The following TRPV5 variants were observed in gnomAD, a reference collection of about 807,000 sequenced individuals.
TRPV5 encodes calcium transport protein 2.
TRPV5 carries 66 observed loss-of-function variants against 74.1 expected under a neutral mutation model. The observed-to-expected ratio is 0.89, with a 90% confidence interval of 0.73 to 1.09. The LOEUF (loss-of-function observed/expected upper bound fraction) is 1.09, where lower values mean the gene tolerates loss of function less well. Among genes scored for constraint, TRPV5 ranks in the 50% least tolerant of loss-of-function variants. The pLI, the probability that TRPV5 is intolerant of heterozygous loss-of-function variation, is 0.00. For synonymous variants in TRPV5, 399 were observed against 360.7 expected, an observed-to-expected ratio of 1.11 and a Z score of -1.20; for missense variants, 936 against 930.4, an observed-to-expected ratio of 1.01 and a Z score of -0.08.
intron 8 of TRPV5, 165 bp downstream of exon 8, chr7:142,925,364 C>T: frequency 4.5e-6 from 3 of 664,122 alleles, no homozygotes; most frequent in Admixed American, 5.1e-5. Flanking sequence ...TCATTAAACC[C>T]CATCTGTGGC....
intron 8 of TRPV5, among the ~76,000 whole-genome samples, chr7:142,920,290 C>A (rs1161792561): frequency 6.6e-6 from 1 of 152,214 alleles, no homozygotes; most frequent in Non-Finnish European, 1.5e-5. Context: ...CCCCTTTCTT[C>A]TGAAGAGTCT....
chr7:142,925,552 T>A lies in TRPV5; in HGVS notation c.1099A>T (p.Ile367Phe). The change falls in exon 8 of 15, where the codon ATC (isoleucine) becomes TTC (phenylalanine). Residue 367 changes from isoleucine to phenylalanine, a missense_variant. Coordinates refer to ENST00000265310, the MANE Select transcript of TRPV5 (RefSeq NM_019841.7). Reference sequence around the variant, plus strand: ...ACCTGTAGTAGTTTTTGCTGGAGGATGGTGATGTCTCGAGAATGAGTGCGG... The same window carrying A: ...ACCTGTAGTAGTTTTTGCTGGAGGAAGGTGATGTCTCGAGAATGAGTGCGG... Reference protein sequence around the residue: ...GNRTHSRDITILQQKLLQEAY... With the variant: ...GNRTHSRDITFLQQKLLQEAY... The A allele has an allele frequency of 6.2e-7, 1 of 1,614,190 alleles. No homozygotes were observed. The highest frequency in any genetic ancestry group is 8.5e-7 in the Non-Finnish European group (1 of 1,180,022).
rs568086241 is a variant in TRPV5, at chr7:142,928,784, A to C, written c.669T>G (p.Asp223Glu). 2.5e-6 allele frequency: 4 copies of C among 1,614,030 alleles called. No individual in the cohort carries two copies. In the African/African-American group the frequency reaches 4.0e-5, roughly 16 times the overall value. Residue 223 changes from aspartate (D) to glutamate (E), a missense_variant, in exon 6 of 15, where the codon GAT becomes GAG. Coordinates refer to ENST00000265310, the MANE Select transcript of TRPV5 (RefSeq NM_019841.7). ...GGGGCTGCAGGTGGTCCCCATGTCC[A>C]TCATAGGACAGCAGCAGGTTGTACA... is the stretch of plus-strand genomic sequence containing the variant. ...CQMYNLLLSY[D>E]GHGDHLQPLD...
At chr7:142,913,101 AAT>A (rs1185439754) in intron 12 of TRPV5, among the ~76,000 whole-genome samples, 1 of 152,210 alleles carries the variant, frequency 6.6e-6, no homozygotes, top group African/African-American at 2.4e-5. Flanking sequence ...TAGAAAACCA[AAT>A]ACTTAAAAGG....
At chr7:142,910,472 T>C (rs917778577) in intron 13 of TRPV5, among the ~76,000 whole-genome samples, 3 of 152,202 alleles carry the variant, frequency 2.0e-5, no homozygotes, top group Non-Finnish European at 2.9e-5. Context: ...ATTGCCCTAA[T>C]CATACTGGGG....
At chr7:142,928,628 G>A (rs1796028390) in intron 6 of TRPV5, 63 bp downstream of exon 6, 3 of 1,538,140 alleles carry the variant, frequency 2.0e-6, no homozygotes, top group South Asian at 1.2e-5. Flanking sequence ...ATTTCTCCCA[G>A]GGCCAGCAGG....
chr7:142,931,019 T>C (rs1796082760), intron 1 of TRPV5, among the ~76,000 whole-genome samples: 1 of 103,064 alleles, frequency 9.7e-6, no homozygotes, highest in South Asian at 2.5e-4. Flanking sequence ...CTCAGGCTAT[T>C]TTTTTTTTTT....
intron 1 of TRPV5, among the ~76,000 whole-genome samples, chr7:142,931,435 G>C (rs1796095173): frequency 6.6e-6 from 1 of 152,098 alleles, no homozygotes; most frequent in East Asian, 1.9e-4. Context: ...TGTTTATGTG[G>C]GTGTCTCAAG....
chr7:142,932,987 C>G (rs906179534), intron 1 of TRPV5, among the ~76,000 whole-genome samples: 15 of 152,202 alleles, frequency 9.9e-5, no homozygotes, highest in Non-Finnish European at 1.9e-4. Flanking sequence ...GGAGTGCATC[C>G]CTTCTTCAGC....
intron 8 of TRPV5, among the ~76,000 whole-genome samples, chr7:142,922,392 A>G (rs982825665): frequency 6.6e-6 from 1 of 152,186 alleles, no homozygotes. Context: ...CGGGAATCTA[A>G]ATGACCAGAG....
intron 8 of TRPV5, among the ~76,000 whole-genome samples, chr7:142,923,478 T>C (rs998227085): frequency 1.1e-4 from 17 of 152,088 alleles, no homozygotes; most frequent in Non-Finnish European, 2.4e-4. Context: ...GCTCAAAGCA[T>C]AGGGACTTTT....
chr7:142,913,811 G>A (rs1319267097), intron 12 of TRPV5, among the ~76,000 whole-genome samples: 1 of 152,190 alleles, frequency 6.6e-6, no homozygotes, highest in African/African-American at 2.4e-5. Flanking sequence ...TCCTTCTAGT[G>A]CCTCTTCTTG....
Position 142,929,467 on chromosome 7 carries a change from T to C in TRPV5, c.448A>G (p.Thr150Ala). ...TTGCGGGGACTATGGCGGAAGGCAGTGCCTGTGGCTCTGGCAGAGACACTG... is the reference window on the plus strand; with the variant it reads ...TTGCGGGGACTATGGCGGAAGGCAGCGCCTGTGGCTCTGGCAGAGACACTG... ...RASVSARATG[T>A]AFRHSPRNLI... The change falls in exon 4 of 15, where the codon ACT becomes GCT. Residue 150 changes from threonine (T) to alanine (A), a missense_variant. Physicochemically the swap from Thr to Ala is moderately conservative, Grantham distance 58. Transcript: ENST00000265310. 2 of 1,614,110 alleles carry C rather than the reference T, an allele frequency of 1.2e-6. No individual in the cohort carries two copies. The highest frequency in any genetic ancestry group is 1.7e-6 in the Non-Finnish European group (2 of 1,179,998).
intron 1 of TRPV5, among the ~76,000 whole-genome samples, chr7:142,932,180 G>A (rs4252382): frequency 0.016 from 2,426 of 152,192 alleles, 57 homozygotes; most frequent in African/African-American, 0.055. Context: ...TCAGGGCTGA[G>A]ATTGCAAATT....
At chr7:142,932,951 T>C (rs1796120470) in intron 1 of TRPV5, among the ~76,000 whole-genome samples, 1 of 152,192 alleles carries the variant, frequency 6.6e-6, no homozygotes, top group Non-Finnish European at 1.5e-5. Flanking sequence ...GAATGGCGTT[T>C]CCTTATCGTG....
chr7:142,931,241 C>T (rs892441177), intron 1 of TRPV5, among the ~76,000 whole-genome samples: 2 of 152,002 alleles, frequency 1.3e-5, no homozygotes, highest in African/African-American at 4.8e-5. Flanking sequence ...CCAGGCTGAT[C>T]TCGAACTCCT....
In TRPV5 at chr7:142,908,225, C is replaced by T. The variant is rs1381763296; in HGVS notation, c.*289G>A. On this transcript the variant is annotated 3_prime_UTR_variant, in exon 15 of 15. Transcript: ENST00000265310. ...TGCGTGGGGCAGAAGAGAAATGGTC[C>T]TGACATTAATCTAGCATCCCTGCCT... 9.9e-6 allele frequency: 5 copies of T among 502,640 alleles called. No homozygotes were observed. The East Asian group carries it at 1.7e-4, about 17-fold the overall frequency. 31.1% of individuals were successfully genotyped at this position (502,640 alleles called of 1,614,324 possible).
chr7:142,921,901 G>A (rs4252450), intron 8 of TRPV5, among the ~76,000 whole-genome samples: 116,218 of 152,062 alleles, frequency 0.76, 48,380 homozygotes, highest in East Asian at 0.96. Flanking sequence ...GCCTTGAGGC[G>A]TTTGAATATG....
intron 8 of TRPV5, among the ~76,000 whole-genome samples, chr7:142,921,187 AAC>A: frequency 6.6e-6 from 1 of 152,208 alleles, no homozygotes; most frequent in Non-Finnish European, 1.5e-5. Context: ...AAAAGATGGA[AAC>A]ACAGTAGGGA....
Sources: allele counts gnomAD v4.1 joint callset (sites outside exome capture counted in the v4.1 genomes callset), GRCh38; gene constraint gnomAD v4.1.1; transcripts MANE v1.5; gene names NCBI Gene and HGNC (gene_info 2026-07-23, HGNC 2026-07-21).